Variants in PCDHA5 observed in about 807,000 individuals in gnomAD.
PCDHA5 encodes protocadherin alpha-5.
PCDHA5 carries 43 observed loss-of-function variants against 61.6 expected under a neutral mutation model. The ratio of observed to expected loss-of-function variants is 0.70; its 90% CI spans 0.55 to 0.90. The LOEUF (loss-of-function observed/expected upper bound fraction) is 0.90. Ranked by LOEUF, PCDHA5 falls within the 40% of genes least tolerant of loss-of-function variation. The pLI is 0.00. For missense variants in PCDHA5, 1,298 were observed against 1,222.7 expected, an observed-to-expected ratio of 1.06 and a Z score of -0.92; for synonymous variants, 627 against 543.9, an observed-to-expected ratio of 1.15 and a Z score of -2.13.
At chr5:140,870,819 G>A (rs1365807310) in intron 1 of PCDHA5, 2 of 1,613,712 alleles carry the variant, frequency 1.2e-6, no homozygotes, top group Admixed American at 3.3e-5. Flanking sequence ...CTGGCAGCGC[G>A]GGAGGCGCAG....
intron 1 of PCDHA5, chr5:140,929,120 A>G (rs781922658): frequency 6.2e-7 from 1 of 1,614,062 alleles, no homozygotes; most frequent in East Asian, 2.2e-5. Flanking sequence ...GCCACCATAG[A>G]TGTCACTACA....
In PCDHA5 at chr5:140,844,228, G is replaced by A. The variant is rs1179181710; in HGVS notation, c.2352+20101G>A. The stretch of plus-strand genomic sequence containing the variant: ...TCTGGTAGTCACAAATATCTTTGGT[G>A]TTTCACTATTGCCGTTTTAAGCAGT... On this transcript the variant is annotated intron_variant, in intron 1 of 3. Transcript: ENST00000529859. Among the ~76,000 whole-genome samples the A allele has an allele frequency of 2.0e-5, 3 of 149,332 alleles. 1 individual carries two copies. Among genetic ancestry groups the A allele is most frequent in the Non-Finnish European group, 3.0e-5 (2 of 66,778 alleles).
At chr5:140,885,179 C>T (rs972760379) in intron 1 of PCDHA5, among the ~76,000 whole-genome samples, 37 of 152,232 alleles carry the variant, frequency 2.4e-4, no homozygotes, top group African/African-American at 8.9e-4. Flanking sequence ...CCTCTAGGCA[C>T]ATCAGTGTTC....
At chr5:140,829,931 C>T in intron 1 of PCDHA5, 2 of 1,614,016 alleles carry the variant, frequency 1.2e-6, no homozygotes, top group Non-Finnish European at 1.7e-6. Flanking sequence ...GCTGCAGCCC[C>T]CGGCAAGCAG....
At position 140,850,380 on chromosome 5, in the gene PCDHA5, G is replaced by A. The variant is rs1554144242; in HGVS notation, c.2352+26253G>A. On this transcript the variant is annotated intron_variant, in intron 1 of 3. Transcript: ENST00000529859. ...CCCGTTCCGCGTGGGGCTGTACACG[G>A]GCGAGATCAGCACAACGCGTGCCCT... 2.5e-6 allele frequency: 4 copies of A among 1,597,780 alleles called. 1 individual carries two copies. Among genetic ancestry groups the A allele is most frequent in the East Asian group, 2.2e-5 (1 of 44,840 alleles).
At chr5:140,862,076 C>A (rs782160778) in intron 1 of PCDHA5, 1 of 157,430 alleles carries the variant, frequency 6.4e-6, no homozygotes, top group Non-Finnish European at 1.4e-5. Context: ...TCTCCCCTAA[C>A]ATAGAAGCCC....
chr5:140,887,236 A>G (rs575217506), intron 1 of PCDHA5, among the ~76,000 whole-genome samples: 53 of 151,920 alleles, frequency 3.5e-4, no homozygotes, highest in South Asian at 2.1e-3. Flanking sequence ...AGCTGAGACT[A>G]CCGGCGCCCG....
chr5:140,967,490 C>G (rs1554229615), intron 1 of PCDHA5: 2 of 1,613,210 alleles, frequency 1.2e-6, no homozygotes, highest in East Asian at 2.2e-5. Context: ...GGGTACGGCA[C>G]AGATCTCTGT....
chr5:140,892,144 G>T (rs549500463), intron 1 of PCDHA5, among the ~76,000 whole-genome samples: 1 of 152,102 alleles, frequency 6.6e-6, no homozygotes, highest in Non-Finnish European at 1.5e-5. Context: ...TGGTTTTAGC[G>T]TCTATTTCTG....
intron 1 of PCDHA5, chr5:140,877,580 C>T (rs559831598): frequency 2.5e-6 from 4 of 1,613,804 alleles, no homozygotes; most frequent in African/African-American, 1.3e-5. Context: ...CTCATCATCG[C>T]CATCTGTGCG....
Position 140,938,847 on chromosome 5 carries a change from T to C in PCDHA5, c.2353-40102T>C, listed in dbSNP as rs371783438. 4.6e-5 allele frequency among the ~76,000 whole-genome samples: 7 copies of C among 152,194 alleles called. No individual in the cohort carries two copies. The South Asian group carries it at 6.2e-4, about 14-fold the overall frequency. ...GTTTGCGTTATAACAAACCTGCCCA[T>C]GTACCCCTGAACTTAAAAGTTAAGA... On this transcript the variant is annotated intron_variant, in intron 1 of 3. Transcript: ENST00000529859.
At chr5:140,929,298 A>T in intron 1 of PCDHA5, 1 of 1,591,722 alleles carries the variant, frequency 6.3e-7, no homozygotes, top group South Asian at 1.1e-5. Context: ...GGAATAGGAA[A>T]GGGGATCACG....
chr5:140,856,721 G>A (rs1043107454), intron 1 of PCDHA5: 7 of 1,596,646 alleles, frequency 4.4e-6, no homozygotes, highest in South Asian at 1.1e-5. Context: ...TACCGGATCT[G>A]TTTCTCTGCT....
intron 1 of PCDHA5, among the ~76,000 whole-genome samples, chr5:140,965,537 A>T (rs528440377): frequency 1.3e-5 from 2 of 152,204 alleles, no homozygotes; most frequent in East Asian, 3.9e-4. Context: ...ATGGAATCCA[A>T]ATTCCAGCCT....
intron 1 of PCDHA5, among the ~76,000 whole-genome samples, chr5:140,909,158 A>G (rs2074345366): frequency 6.6e-6 from 1 of 152,338 alleles, no homozygotes; most frequent in Non-Finnish European, 1.5e-5. Flanking sequence ...TATGGAAGGG[A>G]AAATCAATCA....
At chr5:140,903,916 T>C (rs1192195691) in intron 1 of PCDHA5, among the ~76,000 whole-genome samples, 1 of 152,260 alleles carries the variant, frequency 6.6e-6, no homozygotes, top group African/African-American at 2.4e-5. Flanking sequence ...TGTGACTTCC[T>C]TGCTGCATTG....
At chr5:140,967,506 T>G in intron 1 of PCDHA5, 7 of 1,612,946 alleles carry the variant, frequency 4.3e-6, no homozygotes, top group Non-Finnish European at 5.9e-6. Context: ...TCTGTGCGTG[T>G]CCTGGACACT....
At position 140,853,506 on chromosome 5, in the gene PCDHA5, A is replaced by G. The variant is rs1198826408; in HGVS notation, c.2352+29379A>G. On this transcript the variant is annotated intron_variant, in intron 1 of 3. Transcript: ENST00000529859. ...TCAATTCAAGTTAGAATCATGAAAC[A>G]ATAATGAAGCTCCTCCTATGTCTCT... The G allele has an allele frequency of 4.1e-6, 4 of 977,436 alleles. 1 individual carries two copies. The African/African-American group carries it at 7.1e-5, about 17-fold the overall frequency. The allele number at this position is 977,436 out of a possible 1,614,324, so 60.5% of individuals were successfully genotyped here. A position where few individuals can be genotyped will look rare whatever the true frequency, so the allele number is the denominator to read the frequency against.
At chr5:140,927,511 G>A (rs1563093224) in intron 1 of PCDHA5, 1 of 1,614,120 alleles carries the variant, frequency 6.2e-7, no homozygotes, top group Non-Finnish European at 8.5e-7. Context: ...TACAGCTCGG[G>A]ACGGCGGGCT....
Sources: allele counts gnomAD v4.1 joint callset (sites outside exome capture counted in the v4.1 genomes callset), GRCh38; gene constraint gnomAD v4.1.1; transcripts MANE v1.5; gene names NCBI Gene and HGNC (gene_info 2026-07-23, HGNC 2026-07-21).